The following HAO1 variants were observed in gnomAD, a reference collection of about 807,000 sequenced individuals.
The protein encoded by HAO1 is hydroxyacid oxidase 1, also known as 2-Hydroxyacid oxidase 1.
In HAO1, 34 loss-of-function variants were observed where a neutral mutation model predicts 39.7. The ratio of observed to expected loss-of-function variants is 0.86; its 90% confidence interval spans 0.65 to 1.14. The LOEUF (loss-of-function observed/expected upper bound fraction) is 1.14. Among genes scored for constraint, HAO1 ranks in the 50% most tolerant of loss-of-function variants. HAO1 has a pLI of 0.00. For synonymous variants in HAO1, 172 were observed against 173.2 expected, an observed-to-expected ratio of 0.99 and a Z score of 0.05; for missense variants, 479 against 464.5, an observed-to-expected ratio of 1.03 and a Z score of -0.29.
chr20:7,902,879 C>A (rs1471962030), intron 4 of HAO1, among the ~76,000 whole-genome samples: 1 of 152,228 alleles, frequency 6.6e-6, no homozygotes, highest in Non-Finnish European at 1.5e-5. Context: ...GAGATTACAT[C>A]TTCCATTCTA....
rs1231651080 is a variant in HAO1 at position 7,934,567 on chromosome 20, T to C, written c.206A>G (p.Gln69Arg). 3 of 1,613,050 alleles carry C rather than the reference T, an allele frequency of 1.9e-6. No homozygotes were observed. The South Asian group carries it at 3.3e-5, about 18-fold the overall frequency. The change falls in exon 2 of 8, where the codon CAG becomes CGG. Residue 69 changes from glutamine (Q) to arginine (R), a missense_variant. Gln to Arg is a conservative substitution (Grantham distance 43). Coordinates refer to ENST00000378789, the MANE Select transcript of HAO1 (RefSeq NM_017545.3). Reference protein sequence around the residue: ...ETDLSTSVLGQRVSMPICVGA... With the variant: ...ETDLSTSVLGRRVSMPICVGA... ...CACACATATTGGCATGCTGACCCTC[T>C]GTCCTAAAACAGAAGTCGACAGATC...
At chr20:7,928,227 A>C (rs1395895690) in intron 2 of HAO1, among the ~76,000 whole-genome samples, 1 of 152,184 alleles carries the variant, frequency 6.6e-6, no homozygotes, top group Non-Finnish European at 1.5e-5. Flanking sequence ...GCCTCATCTA[A>C]ACCCTCCAAG....
At chr20:7,887,141 T>A (rs1385797884) in intron 5 of HAO1, among the ~76,000 whole-genome samples, 31 of 152,224 alleles carry the variant, frequency 2.0e-4, no homozygotes, top group Admixed American at 2.0e-3. Flanking sequence ...AGTAGCTAAC[T>A]AATACAATTG....
rs1180346801 is a variant in HAO1 at position 7,906,202 on chromosome 20, G to A, written c.673C>T (p.Leu225=). 1.2e-6 allele frequency: 2 copies of A among 1,613,210 alleles called. No homozygotes were observed. The highest frequency in any genetic ancestry group is 1.1e-5 in the South Asian group (1 of 91,064). The change falls in exon 4 of 8, where the codon CTG becomes TTG. Residue 225 remains leucine, a synonymous_variant. Coordinates refer to ENST00000378789, the MANE Select transcript of HAO1 (RefSeq NM_017545.3). ...ATTGGCAATGATGTCAGTCTTCTCAGCCATTTGATATCTTCCCAGCTGATA... is the reference window on the plus strand; with the variant it reads ...ATTGGCAATGATGTCAGTCTTCTCAACCATTTGATATCTTCCCAGCTGATA... ...PSISWEDIKW[L]RRLTSLPIVA... is the part of the protein sequence containing the mutation.
At chr20:7,927,572 AT>A (rs3215458) in intron 2 of HAO1, among the ~76,000 whole-genome samples, 12,575 of 151,978 alleles carry the variant, frequency 0.083, 867 homozygotes, top group East Asian at 0.31. Context: ...TTTTTCAGTT[AT>A]TTTTTTCCAC....
chr20:7,921,400 A>G (rs1036594099), intron 2 of HAO1, among the ~76,000 whole-genome samples: 3 of 152,306 alleles, frequency 2.0e-5, no homozygotes, highest in South Asian at 2.1e-4. Context: ...CAAAACCACA[A>G]TGATATACCA....
At chr20:7,911,782 G>C (rs2050280965) in intron 3 of HAO1, among the ~76,000 whole-genome samples, 2 of 152,186 alleles carry the variant, frequency 1.3e-5, no homozygotes, top group African/African-American at 4.8e-5. Flanking sequence ...TGCCTCCCTT[G>C]CCTGCCAAAC....
chr20:7,912,593 A>G (rs1568515379), intron 3 of HAO1, among the ~76,000 whole-genome samples: 1 of 148,438 alleles, frequency 6.7e-6, no homozygotes, highest in African/African-American at 2.5e-5. Context: ...AAAAAAAAAA[A>G]AGTAGTCAAA....
chr20:7,915,562 A>G (rs2050302970), intron 2 of HAO1, among the ~76,000 whole-genome samples: 1 of 152,198 alleles, frequency 6.6e-6, no homozygotes, highest in Non-Finnish European at 1.5e-5. Flanking sequence ...AAAAATGTCT[A>G]TCTATGGATA....
chr20:7,921,878 G>T (rs2050334669), intron 2 of HAO1, among the ~76,000 whole-genome samples: 2 of 152,018 alleles, frequency 1.3e-5, no homozygotes, highest in African/African-American at 4.8e-5. Context: ...ACCACATGTT[G>T]TCACTTATAA....
At chr20:7,883,719 G>A (rs1375525079) in intron 7 of HAO1, 56 bp from the exon 8 acceptor site, 4 of 1,270,658 alleles carry the variant, frequency 3.1e-6, no homozygotes, top group Middle Eastern at 1.9e-4. Flanking sequence ...AATCAGGCAG[G>A]TAATCGTTTT....
chr20:7,885,609 A>G lies in HAO1; in HGVS notation c.973-19T>C. ...TCTCCCCCTAACCAAGTGAAAAGAT[A>G]CAGAGTGATTCAGAACTAAATCAGT... On this transcript the variant is annotated intron_variant, in intron 6 of 7. Coordinates refer to ENST00000378789, the MANE Select transcript of HAO1 (RefSeq NM_017545.3). The G allele has an allele frequency of 6.3e-7, 1 of 1,587,526 alleles. No individual in the cohort carries two copies. Among genetic ancestry groups the G allele is most frequent in the Non-Finnish European group, 8.6e-7 (1 of 1,156,460 alleles).
chr20:7,891,732 C>A (rs539372660), intron 5 of HAO1, among the ~76,000 whole-genome samples: 24 of 152,218 alleles, frequency 1.6e-4, no homozygotes, highest in Middle Eastern at 3.4e-3. Flanking sequence ...ACTCAAAAGC[C>A]CTTCTAGACG....
intron 3 of HAO1, among the ~76,000 whole-genome samples, chr20:7,912,730 G>A (rs2423325): frequency 0.22 from 34,067 of 152,118 alleles, 4,767 homozygotes; most frequent in East Asian, 0.5. Flanking sequence ...AACACAGGTT[G>A]TTTAGGTAAC....
intron 5 of HAO1, among the ~76,000 whole-genome samples, chr20:7,892,737 C>T (rs935272362): frequency 6.6e-6 from 1 of 151,890 alleles, no homozygotes; most frequent in Non-Finnish European, 1.5e-5. Context: ...AAAGTTCACC[C>T]ACATTACTTA....
rs1568515811 is a variant in HAO1, at chr20:7,914,218, AG to A, written c.490del (p.Leu164TrpfsTer20). ...AIFVTVDTPYLGNRLDDVRNR... is the reference protein window; with the variant it reads ...AIFVTVDTPYXGNRLDDVRNR... The stretch of plus-strand genomic sequence containing the variant: ...ACGCACATCATCCAGACGGTTGCCC[AG>A]GTAAGGTGTGTCCACTGTCACAAAT... On this transcript the variant is annotated frameshift_variant, in exon 3 of 8. Transcript: ENST00000378789. LOFTEE classifies it high-confidence loss of function. 2 of 1,614,060 alleles carry A rather than the reference AG, an allele frequency of 1.2e-6. No homozygotes were observed. Among genetic ancestry groups the A allele is most frequent in the South Asian group, 2.2e-5 (2 of 91,080 alleles).
At chr20:7,901,589 A>G (rs754080682) in intron 4 of HAO1, among the ~76,000 whole-genome samples, 3 of 152,192 alleles carry the variant, frequency 2.0e-5, no homozygotes, top group Non-Finnish European at 4.4e-5. Flanking sequence ...CTAGTGACTC[A>G]AGAGCTCTGG....
chr20:7,914,029 T>A (rs2050293880), intron 3 of HAO1, 135 bp downstream of exon 3: 1 of 889,650 alleles, frequency 1.1e-6, no homozygotes, highest in South Asian at 1.8e-5. Context: ...AAAAAAGTGA[T>A]GTCTACAAAA....
chr20:7,895,239 A>G lies in HAO1; in HGVS notation c.722-15T>C, dbSNP rs755485746. 6.5e-7 allele frequency: 1 copy of G among 1,540,360 alleles called. No homozygotes were observed. Among genetic ancestry groups the G allele is most frequent in the South Asian group, 1.1e-5 (1 of 89,556 alleles). ...GGCATCATCACCTGGAGAGAGTAAA[A>G]CAAGCACCTTAGGGAAACTGTAACT... On this transcript the variant is annotated splice_polypyrimidine_tract_variant and intron_variant, in intron 4 of 7. Transcript: ENST00000378789.
Sources: allele counts gnomAD v4.1 joint callset (sites outside exome capture counted in the v4.1 genomes callset), GRCh38; gene constraint gnomAD v4.1.1; transcripts MANE v1.5; gene names NCBI Gene and HGNC (gene_info 2026-07-23, HGNC 2026-07-21).